The following NCOA3 variants were observed in gnomAD, a reference collection of about 807,000 sequenced individuals.
The protein encoded by NCOA3 is CBP-interacting protein.
In NCOA3, 51 loss-of-function variants were observed where a neutral mutation model predicts 158.8. That is an observed-to-expected ratio of 0.32 (90% confidence interval 0.26 to 0.41). The LOEUF is 0.41. Among genes scored for constraint, NCOA3 ranks in the 10% least tolerant of loss-of-function variants. The pLI is 1.00. For synonymous variants in NCOA3, 537 were observed against 592.4 expected (o/e 0.91, Z 1.36); for missense variants, 1,510 against 1,746.6 (o/e 0.86, Z 2.41).
At chr20:47,532,457 A>G (rs2084562357) in intron 1 of NCOA3, among the ~76,000 whole-genome samples, 1 of 152,164 alleles carries the variant, frequency 6.6e-6, no homozygotes, top group African/African-American at 2.4e-5. Context: ...AACTTTAAAA[A>G]AAATTCATTT....
In NCOA3 at chr20:47,635,885, A is replaced by T; in HGVS notation, c.1505-6A>T. The T allele has an allele frequency of 1.3e-6, 2 of 1,579,984 alleles. No homozygotes were observed. Among genetic ancestry groups the T allele is most frequent in the Admixed American group, 2.0e-5 (1 of 51,004 alleles). Reference sequence around the variant, plus strand: ...ATTCTTTTCCTAAATTTTTTTTCAAATTCAGGTGTGCACTCTCCCATGGCA... The same window carrying T: ...ATTCTTTTCCTAAATTTTTTTTCAATTTCAGGTGTGCACTCTCCCATGGCA... On this transcript the variant is annotated splice_polypyrimidine_tract_variant and splice_region_variant and intron_variant, in intron 11 of 22. Transcript: ENST00000371998.
intron 1 of NCOA3, among the ~76,000 whole-genome samples, chr20:47,514,781 A>G (rs1423626541): frequency 6.8e-6 from 1 of 147,638 alleles, no homozygotes; most frequent in Admixed American, 6.8e-5. Flanking sequence ...CAGTGGTGCA[A>G]TCTCAGCTCA....
chr20:47,567,245 G>A (rs948360646), intron 1 of NCOA3, among the ~76,000 whole-genome samples: 15 of 151,860 alleles, frequency 9.9e-5, no homozygotes, highest in African/African-American at 3.6e-4. Flanking sequence ...ATGGAGTTTC[G>A]CCATGTTGGT....
At position 47,607,690 on chromosome 20, in the gene NCOA3, T is replaced by C. The variant is rs528719124; in HGVS notation, c.-19-14539T>C. Among the ~76,000 whole-genome samples the C allele has an allele frequency of 2.0e-5, 3 of 152,270 alleles. No individual in the cohort carries two copies. In the South Asian group the frequency reaches 6.2e-4, roughly 32 times the overall value. ...AACTCAGATAGGGTAGAGGAAAAAT[T>C]ATTTTTTTCTCTCCTATAAAACTCA... On this transcript the variant is annotated intron_variant, in intron 2 of 22. Coordinates refer to ENST00000371998, the MANE Select transcript of NCOA3 (RefSeq NM_181659.3).
chr20:47,542,010 T>TTTTTTTGTTTTTTTG (rs1568667686), intron 1 of NCOA3, among the ~76,000 whole-genome samples: 4 of 73,880 alleles, frequency 5.4e-5, no homozygotes, highest in South Asian at 4.0e-4. Flanking sequence ...CCCTGTAGAG[T>TTTTTTTGTTTTTTTG]TTTTTTTTTT....
intron 1 of NCOA3, among the ~76,000 whole-genome samples, chr20:47,579,824 G>GT (rs948244669): frequency 1.2e-4 from 18 of 152,304 alleles, no homozygotes; most frequent in African/African-American, 4.1e-4. Flanking sequence ...AGGCTGCTGT[G>GT]TAAGGAGACA....
chr20:47,634,996 A>G (rs560126715), intron 10 of NCOA3, among the ~76,000 whole-genome samples: 1 of 145,730 alleles, frequency 6.9e-6, no homozygotes, highest in East Asian at 2.0e-4. Context: ...TAGTGCCATC[A>G]CAGCTCACTG....
intron 1 of NCOA3, among the ~76,000 whole-genome samples, chr20:47,514,629 G>A (rs984014898): frequency 3.3e-5 from 5 of 151,708 alleles, no homozygotes; most frequent in African/African-American, 1.2e-4. Flanking sequence ...CTGCCCTCAA[G>A]TGATCTGGCC....
At chr20:47,588,131 C>CTT (rs33989951) in intron 2 of NCOA3, among the ~76,000 whole-genome samples, 5,943 of 78,418 alleles carry the variant, frequency 0.076, 1,341 homozygotes, top group Non-Finnish European at 0.12. Context: ...CTCCACCCCA[C>CTT]TTTTTTTTTT....
At chr20:47,579,838 G>A (rs2085424275) in intron 1 of NCOA3, among the ~76,000 whole-genome samples, 1 of 152,200 alleles carries the variant, frequency 6.6e-6, no homozygotes, top group South Asian at 2.1e-4. Context: ...GGAGACAGGA[G>A]TTGGGCTCAA....
chr20:47,637,452 G>A (rs1394137421), intron 12 of NCOA3, among the ~76,000 whole-genome samples, 196 bp from the exon 13 acceptor site: 1 of 152,178 alleles, frequency 6.6e-6, no homozygotes, highest in Non-Finnish European at 1.5e-5. Context: ...AGGACCAAAT[G>A]TAGTGATTTA....
intron 2 of NCOA3, among the ~76,000 whole-genome samples, chr20:47,611,180 A>G (rs1008183378): frequency 3.9e-5 from 6 of 152,230 alleles, no homozygotes; most frequent in African/African-American, 1.4e-4. Context: ...AGAATGGGGC[A>G]TATGCTGTGA....
rs780654518 is a variant in NCOA3 at position 47,624,079 on chromosome 20, G to T, written c.252G>T (p.Glu84Asp). The change falls in exon 4 of 23, where the codon GAG becomes GAT. Residue 84 changes from glutamate (E) to aspartate (D), a missense_variant. This residue lies in a region of NCOA3 where 309 missense variants were observed against 427.1 expected (regional missense o/e 0.72). Transcript: ENST00000371998. ...TAAGACAGATACGTCAAATAAAAGAGCAAGGTAATAAAAACACTCATGTCT... is the reference window on the plus strand; with the variant it reads ...TAAGACAGATACGTCAAATAAAAGATCAAGGTAATAAAAACACTCATGTCT... ...ETVRQIRQIK[E>D]QGKTISNDDD... 6.2e-7 allele frequency: 1 copy of T among 1,600,938 alleles called. No individual in the cohort carries two copies. The highest frequency in any genetic ancestry group is 1.3e-5 in the African/African-American group (1 of 74,132).
chr20:47,511,552 T>TATATATATATATATATACACAC (rs2084139424), intron 1 of NCOA3, among the ~76,000 whole-genome samples: 1 of 31,260 alleles, frequency 3.2e-5, no homozygotes, highest in Non-Finnish European at 1.0e-4. Flanking sequence ...TATATATATA[T>TATATATATATATATATACACAC]ATATTTCTTT....
At position 47,519,107 on chromosome 20, in the gene NCOA3, C is replaced by G. The variant is rs142082152; in HGVS notation, c.-99+17088C>G. ...GCCGAGATTGTGCCACTGCACTCCA[C>G]ACTGGGTGACAGAGCGAGACTCCAT... On this transcript the variant is annotated intron_variant, in intron 1 of 22. Coordinates refer to ENST00000371998, the MANE Select transcript of NCOA3 (RefSeq NM_181659.3). Among the ~76,000 whole-genome samples, 592 of 147,378 alleles carry G rather than the reference C, an allele frequency of 4.0e-3. 7 individuals carry two copies. The highest frequency in any genetic ancestry group is 0.014 in the African/African-American group (561 of 39,794).
intron 1 of NCOA3, among the ~76,000 whole-genome samples, chr20:47,545,628 GT>G (rs377629080): frequency 1.8e-4 from 26 of 144,154 alleles, no homozygotes; most frequent in African/African-American, 5.6e-4. Context: ...TCTTAGTGCT[GT>G]TTTTTTTTTA....
At chr20:47,642,085 T>G in intron 16 of NCOA3, 128 bp from the exon 17 acceptor site, 1 of 729,378 alleles carries the variant, frequency 1.4e-6, no homozygotes, top group Non-Finnish European at 2.1e-6. Context: ...TTTTACCACT[T>G]GGTTTATTAT....
intron 1 of NCOA3, among the ~76,000 whole-genome samples, chr20:47,567,532 G>A (rs1398769633): frequency 6.6e-6 from 1 of 151,890 alleles, no homozygotes; most frequent in Non-Finnish European, 1.5e-5. Context: ...CTCCCAAGTA[G>A]TTGGGAGTAA....
At chr20:47,642,433 C>A (rs72645280) in intron 17 of NCOA3, 49 bp downstream of exon 17, 2 of 1,317,716 alleles carry the variant, frequency 1.5e-6, no homozygotes, top group African/African-American at 1.5e-5. Flanking sequence ...TGTGTGTGTG[C>A]GCGCGTACAC....
Sources: allele counts gnomAD v4.1 joint callset (sites outside exome capture counted in the v4.1 genomes callset), GRCh38; gene constraint gnomAD v4.1.1; regional missense constraint gnomAD v4.1.1; transcripts MANE v1.5; gene names NCBI Gene and HGNC (gene_info 2026-07-23, HGNC 2026-07-21).